The following CWC27 variants were observed in gnomAD, a reference collection of about 807,000 sequenced individuals.
CWC27 encodes the protein spliceosome-associated protein CWC27 homolog.
A neutral mutation model predicts 63.6 loss-of-function variants in CWC27; 47 were observed. The observed-to-expected ratio is 0.74, with a 90% CI of 0.58 to 0.94. The LOEUF is 0.94. Among genes scored for constraint, CWC27 ranks in the 40% least tolerant of loss-of-function variants. The probability of loss-of-function intolerance (pLI) is 0.00; values close to 1 mark genes in which losing one functional copy is unlikely to be tolerated. For missense variants in CWC27, 495 were observed against 554.3 expected, an observed-to-expected ratio of 0.89 and a Z score of 1.07; for synonymous variants, 175 against 179.8, an observed-to-expected ratio of 0.97 and a Z score of 0.22.
chr5:64,967,992 TA>T (rs1749049821), intron 11 of CWC27, among the ~76,000 whole-genome samples: 1 of 151,986 alleles, frequency 6.6e-6, no homozygotes, highest in South Asian at 2.1e-4. Context: ...CAGACTGAGA[TA>T]AATCATTTAC....
chr5:65,002,190 C>A (rs1580775256), intron 13 of CWC27, among the ~76,000 whole-genome samples: 1 of 151,956 alleles, frequency 6.6e-6, no homozygotes, highest in East Asian at 1.9e-4. Flanking sequence ...TTATTTTGGG[C>A]ATTTTTCTGT....
intron 11 of CWC27, among the ~76,000 whole-genome samples, chr5:64,928,314 T>G (rs1287686192): frequency 1.3e-5 from 2 of 152,186 alleles, no homozygotes; most frequent in African/African-American, 4.8e-5. Context: ...TTTTTACTCT[T>G]CAATAGCAGA....
At chr5:64,926,008 G>T (rs994744567) in intron 11 of CWC27, among the ~76,000 whole-genome samples, 9 of 152,130 alleles carry the variant, frequency 5.9e-5, no homozygotes, top group African/African-American at 1.4e-4. Context: ...TCCCACAAAA[G>T]ATATGGTTGC....
chr5:64,813,699 C>G (rs1246005463), intron 10 of CWC27, among the ~76,000 whole-genome samples: 1 of 152,116 alleles, frequency 6.6e-6, no homozygotes, highest in African/African-American at 2.4e-5. Context: ...GGTCTCTACC[C>G]CGGAACAAAT....
chr5:64,938,799 C>T (rs959916302), intron 11 of CWC27, among the ~76,000 whole-genome samples: 3 of 151,970 alleles, frequency 2.0e-5, no homozygotes, highest in African/African-American at 4.8e-5. Flanking sequence ...AGGCTTTGTT[C>T]GTTCCTTTGC....
At chr5:64,774,289 T>G (rs1743363279) in intron 1 of CWC27, among the ~76,000 whole-genome samples, 1 of 152,162 alleles carries the variant, frequency 6.6e-6, no homozygotes, top group African/African-American at 2.4e-5. Context: ...CCAAATAGCA[T>G]GGAACACCAC....
chr5:64,831,982 T>C (rs1434206641), intron 10 of CWC27, among the ~76,000 whole-genome samples: 1 of 151,950 alleles, frequency 6.6e-6, no homozygotes, highest in Non-Finnish European at 1.5e-5. Flanking sequence ...AAAGGAGGAC[T>C]ATTTAATAGC....
At chr5:64,801,866 A>T (rs1453558690) in intron 9 of CWC27, among the ~76,000 whole-genome samples, 1 of 152,212 alleles carries the variant, frequency 6.6e-6, no homozygotes, top group Non-Finnish European at 1.5e-5. Flanking sequence ...CAAATTATAC[A>T]TATGCCACTT....
intron 10 of CWC27, among the ~76,000 whole-genome samples, chr5:64,844,703 C>T (rs1745930128): frequency 6.6e-6 from 1 of 152,216 alleles, no homozygotes; most frequent in African/African-American, 2.4e-5. Context: ...GCAGTGGCTC[C>T]ATTCAGCCAA....
At chr5:64,908,643 T>A (rs1747715860) in intron 11 of CWC27, among the ~76,000 whole-genome samples, 1 of 152,252 alleles carries the variant, frequency 6.6e-6, no homozygotes, top group South Asian at 2.1e-4. Context: ...TGTAATGGCC[T>A]TCTTTGTCTC....
chr5:64,788,064 T>G (rs948251179), intron 6 of CWC27, among the ~76,000 whole-genome samples: 2 of 152,146 alleles, frequency 1.3e-5, no homozygotes, highest in African/African-American at 4.8e-5. Flanking sequence ...AATAAGCAGT[T>G]AATTCCTTGT....
chr5:64,880,382 T>TTTATTTTATTTTA (rs1746906877), intron 10 of CWC27, among the ~76,000 whole-genome samples: 1 of 151,966 alleles, frequency 6.6e-6, no homozygotes, highest in Non-Finnish European at 1.5e-5. Context: ...TCTAAAAAGG[T>TTTATTTTATTTTA]GTTTATTTTA....
intron 10 of CWC27, among the ~76,000 whole-genome samples, chr5:64,874,412 C>T (rs891780665): frequency 1.3e-4 from 20 of 151,858 alleles, no homozygotes; most frequent in African/African-American, 4.4e-4. Context: ...GATCCTCCTG[C>T]CTCAGCCTCC....
intron 11 of CWC27, among the ~76,000 whole-genome samples, chr5:64,896,472 A>G (rs1413612700): frequency 6.6e-6 from 1 of 152,204 alleles, no homozygotes; most frequent in African/African-American, 2.4e-5. Context: ...ACATAACAAC[A>G]TAGTATATAA....
At chr5:64,846,190 A>T (rs551139206) in intron 10 of CWC27, among the ~76,000 whole-genome samples, 45 of 152,374 alleles carry the variant, frequency 3.0e-4, no homozygotes, top group South Asian at 2.1e-3. Context: ...CAGTTTCATG[A>T]AACATATGAA....
intron 10 of CWC27, among the ~76,000 whole-genome samples, chr5:64,816,200 G>A (rs1464679977): frequency 6.6e-6 from 1 of 152,124 alleles, no homozygotes; most frequent in East Asian, 1.9e-4. Flanking sequence ...GAATATTTGG[G>A]AGAGAGAATC....
intron 11 of CWC27, among the ~76,000 whole-genome samples, chr5:64,960,558 CT>C (rs1205543063): frequency 6.6e-6 from 1 of 151,846 alleles, no homozygotes; most frequent in Non-Finnish European, 1.5e-5. Context: ...TACAAATTGA[CT>C]TTGTATTTTC....
chr5:64,986,045 G>A (rs1377617370), intron 13 of CWC27, among the ~76,000 whole-genome samples: 1 of 151,978 alleles, frequency 6.6e-6, no homozygotes, highest in African/African-American at 2.4e-5. Context: ...GAGATCTGAT[G>A]GTTTTATAAG....
chr5:64,863,342 A>G (rs935649269), intron 10 of CWC27, among the ~76,000 whole-genome samples: 1 of 152,056 alleles, frequency 6.6e-6, no homozygotes, highest in East Asian at 1.9e-4. Context: ...ATGTCTACTT[A>G]CCTCTCTTTT....
Sources: gnomAD v4.1 joint callset for allele counts (sites outside exome capture counted in the v4.1 genomes callset) on GRCh38, gnomAD v4.1.1 for gene constraint, MANE v1.5 for transcripts, NCBI Gene and HGNC (gene_info 2026-07-23, HGNC 2026-07-21) for gene names.